PCDH15: variants seen among roughly 807,000 people sequenced by gnomAD.
The protein encoded by PCDH15 is protocadherin related 15.
Under a neutral mutation model 178.5 loss-of-function variants are expected in PCDH15, and 129 were observed. The observed-to-expected ratio is 0.72, with a 90% CI of 0.63 to 0.84. The LOEUF (loss-of-function observed/expected upper bound fraction) is 0.84. PCDH15 is among the 40% of genes least tolerant of loss of function. PCDH15 has a pLI of 0.00. For missense variants in PCDH15, 2,230 were observed against 2,099.9 expected, an observed-to-expected ratio of 1.06 and a Z score of -1.21; for synonymous variants, 800 against 732.0, an observed-to-expected ratio of 1.09 and a Z score of -1.50.
intron 3 of PCDH15, among the ~76,000 whole-genome samples, chr10:54,405,744 ATATATT>A (rs1482518448): frequency 6.6e-6 from 1 of 151,976 alleles, no homozygotes; most frequent in Admixed American, 6.6e-5. Context: ...AGTGGTACAA[ATATATT>A]TATGTAACTG....
At chr10:55,134,952 T>C (rs978386326) in intron 2 of PCDH15, among the ~76,000 whole-genome samples, 20 of 152,142 alleles carry the variant, frequency 1.3e-4, no homozygotes, top group Admixed American at 1.1e-3. Context: ...TCAGAAAACT[T>C]AATAAAAATG....
At chr10:55,093,865 T>C (rs1361358872) in intron 2 of PCDH15, among the ~76,000 whole-genome samples, 1 of 152,050 alleles carries the variant, frequency 6.6e-6, no homozygotes, top group African/African-American at 2.4e-5. Context: ...CCAGTTAGAA[T>C]GGTGATCATT....
chr10:55,612,675 A>G (rs1166445034), intron 2 of PCDH15, among the ~76,000 whole-genome samples: 2 of 152,188 alleles, frequency 1.3e-5, no homozygotes, highest in Non-Finnish European at 2.9e-5. Flanking sequence ...GTAGCAAAAC[A>G]TAAGTATATA....
intron 29 of PCDH15, among the ~76,000 whole-genome samples, chr10:53,839,945 G>T (rs1267475052): frequency 1.3e-5 from 2 of 152,188 alleles, no homozygotes; most frequent in Admixed American, 1.3e-4. Flanking sequence ...TTCTTAAAAT[G>T]CAAGCATATG....
chr10:53,969,499 T>C (rs1257608854), intron 21 of PCDH15, among the ~76,000 whole-genome samples: 3 of 152,022 alleles, frequency 2.0e-5, no homozygotes, highest in East Asian at 1.9e-4. Flanking sequence ...ATTCAGGAAA[T>C]ACAGAGAACG....
chr10:54,726,238 G>C, intron 1 of PCDH15, among the ~76,000 whole-genome samples: 1 of 151,352 alleles, frequency 6.6e-6, no homozygotes, highest in East Asian at 1.9e-4. Flanking sequence ...ACTTAATGAA[G>C]ACACACATTC....
At chr10:54,195,450 T>C (rs2049508047) in intron 11 of PCDH15, among the ~76,000 whole-genome samples, 1 of 152,188 alleles carries the variant, frequency 6.6e-6, no homozygotes, top group African/African-American at 2.4e-5. Context: ...AAGTAAAACA[T>C]TCATTTTCTT....
chr10:55,409,069 T>G (rs1838272528), intron 2 of PCDH15, among the ~76,000 whole-genome samples: 1 of 151,902 alleles, frequency 6.6e-6, no homozygotes, highest in Non-Finnish European at 1.5e-5. Context: ...TCCTAGGTGC[T>G]TCTCAGTAAT....
chr10:54,417,988 T>C (rs1954698965), intron 3 of PCDH15, among the ~76,000 whole-genome samples: 1 of 152,168 alleles, frequency 6.6e-6, no homozygotes, highest in African/African-American at 2.4e-5. Flanking sequence ...ATAAAGTGCG[T>C]TACAGCTTCA....
At position 53,900,877 on chromosome 10, in the gene PCDH15, T is replaced by A. The variant is rs139774892; in HGVS notation, c.3501+2366A>T. ...TAGTCATCACATGCCTTTTGAGTAA[T>A]CTCCTTTATTAATGGACTAGTTTAA... On this transcript the variant is annotated intron_variant, in intron 26 of 37. Coordinates refer to ENST00000644397, the MANE Select transcript of PCDH15 (RefSeq NM_001384140.1). Among the ~76,000 whole-genome samples the A allele has an allele frequency of 2.8e-3, 427 of 152,252 alleles. 1 individual carries two copies. Among genetic ancestry groups the A allele is most frequent in the African/African-American group, 9.5e-3 (395 of 41,550 alleles).
At chr10:53,982,313 T>C (rs2090718480) in intron 21 of PCDH15, among the ~76,000 whole-genome samples, 2 of 152,156 alleles carry the variant, frequency 1.3e-5, no homozygotes, top group South Asian at 4.1e-4. Flanking sequence ...AGCAATCTCA[T>C]TACTGGGTAT....
intron 3 of PCDH15, among the ~76,000 whole-genome samples, chr10:54,405,618 T>C (rs1240194271): frequency 6.6e-6 from 1 of 151,616 alleles, no homozygotes; most frequent in African/African-American, 2.4e-5. Context: ...AAATAATCTG[T>C]ACAACCAACC....
chr10:55,103,971 G>T (rs1343781759), intron 2 of PCDH15, among the ~76,000 whole-genome samples: 1 of 152,084 alleles, frequency 6.6e-6, no homozygotes, highest in East Asian at 1.9e-4. Flanking sequence ...ACAAGCAAAA[G>T]ACTAGCAGCT....
rs1554832729 is a variant in PCDH15, at chr10:53,855,899, G to GATGTGTATAT, written c.3806+1275_3806+1276insATATACACAT. Reference sequence around the variant, plus strand: ...GAACTTAAAAGTTAAAAAAAAAGGTGATATGTATATATATATATATATGTA... The same window carrying GATGTGTATAT: ...GAACTTAAAAGTTAAAAAAAAAGGTGATGTGTATATATATGTATATATATATATATATGTA... On this transcript the variant is annotated intron_variant, in intron 28 of 37. Coordinates refer to ENST00000644397, the MANE Select transcript of PCDH15 (RefSeq NM_001384140.1). Among the ~76,000 whole-genome samples the GATGTGTATAT allele has an allele frequency of 2.3e-4, 18 of 77,832 alleles. 1 individual carries two copies. The highest frequency in any genetic ancestry group is 1.3e-3 in the African/African-American group (18 of 13,576). The allele number at this position is 77,832 out of a possible 152,430, so 51.1% of individuals were successfully genotyped here.
chr10:53,925,382 C>T (rs1339910599), intron 25 of PCDH15, among the ~76,000 whole-genome samples: 2 of 152,204 alleles, frequency 1.3e-5, no homozygotes, highest in East Asian at 1.9e-4. Context: ...AGCGGGACCA[C>T]GAACCCACCA....
intron 29 of PCDH15, among the ~76,000 whole-genome samples, chr10:53,838,107 C>T (rs980734797): frequency 6.6e-6 from 1 of 151,776 alleles, no homozygotes; most frequent in East Asian, 1.9e-4. Flanking sequence ...TCCCAAGTGG[C>T]TGGGACTACA....
At chr10:55,538,669 T>C (rs1445563883) in intron 2 of PCDH15, among the ~76,000 whole-genome samples, 2 of 3,468 alleles carry the variant, frequency 5.8e-4, no homozygotes, top group Admixed American at 3.8e-3. Context: ...CCTTCCACAT[T>C]TCCTTGCTTC....
chr10:55,024,161 A>G (rs1345015322), intron 2 of PCDH15, among the ~76,000 whole-genome samples: 1 of 146,292 alleles, frequency 6.8e-6, no homozygotes, highest in African/African-American at 2.5e-5. Context: ...ATATAGAGAG[A>G]GGAAGGAATA....
chr10:54,523,810 A>C (rs2083115851), intron 3 of PCDH15, among the ~76,000 whole-genome samples: 1 of 152,224 alleles, frequency 6.6e-6, no homozygotes, highest in South Asian at 2.1e-4. Flanking sequence ...CAATTGTCTC[A>C]GCAACACAAA....
Sources: gnomAD v4.1 joint callset for allele counts (sites outside exome capture counted in the v4.1 genomes callset) on GRCh38, gnomAD v4.1.1 for gene constraint, MANE v1.5 for transcripts, NCBI Gene and HGNC (gene_info 2026-07-23, HGNC 2026-07-21) for gene names.